Variants in TNS1 observed in about 807,000 individuals in gnomAD.
TNS1 encodes the protein tensin 1.
A neutral mutation model predicts 168.6 loss-of-function variants in TNS1; 62 were observed. That is an observed-to-expected ratio of 0.37 (90% confidence interval 0.30 to 0.45). The LOEUF (loss-of-function observed/expected upper bound fraction) is 0.45, where lower values mean the gene tolerates loss of function less well. Ranked by LOEUF, TNS1 falls within the 20% of genes least tolerant of loss-of-function variation. The pLI is 1.00. For synonymous variants in TNS1, 934 were observed against 933.2 expected, an observed-to-expected ratio of 1.00 and a Z score of -0.02; for missense variants, 2,240 against 2,339.4, an observed-to-expected ratio of 0.96 and a Z score of 0.88.
At chr2:217,983,717 G>A (rs970446235) in intron 2 of TNS1, among the ~76,000 whole-genome samples, 36 of 152,126 alleles carry the variant, frequency 2.4e-4, no homozygotes, top group Admixed American at 9.8e-4. Context: ...TCGCATGCCC[G>A]GTCCGGCTTC....
intron 18 of TNS1, among the ~76,000 whole-genome samples, chr2:217,870,080 AC>A (rs34466865): frequency 0.055 from 8,387 of 152,326 alleles, 253 homozygotes; most frequent in African/African-American, 0.063. Context: ...TTGTTATGCC[AC>A]TTTTTAATCT....
In TNS1 at chr2:217,818,295, C is replaced by T. The variant is rs1310107860; in HGVS notation, c.4037G>A (p.Gly1346Glu). 6 of 1,613,326 alleles carry T rather than the reference C, an allele frequency of 3.7e-6. No homozygotes were observed. The African/African-American group carries it at 4.0e-5, about 11-fold the overall frequency. Residue 1346 changes from glycine (G) to glutamate (E), a missense_variant, in exon 24 of 33, where the codon GGG becomes GAG. Gly to Glu is a moderately conservative substitution (Grantham distance 98). Coordinates refer to ENST00000682258, the MANE Select transcript of TNS1 (RefSeq NM_001387777.1). The part of the protein sequence containing the change: ...SPQSSAATTP[G>E]SPSLCRHPAG... ...TGGGTGCCGACACAGGCTGGGGCTC[C>T]CCGGGGTGGTCGCTGCACTGCTCTG...
chr2:217,893,041 T>G (rs1951896289), intron 10 of TNS1, 29 bp from the exon 11 acceptor site: 2 of 1,613,754 alleles, frequency 1.2e-6, no homozygotes, highest in Non-Finnish European at 1.7e-6. Context: ...CAAAATCATT[T>G]ATTTCTAAGG....
At chr2:217,916,231 C>G (rs1371990752) in intron 4 of TNS1, among the ~76,000 whole-genome samples, 1 of 152,078 alleles carries the variant, frequency 6.6e-6, no homozygotes, top group Non-Finnish European at 1.5e-5. Flanking sequence ...CCCATGGTGT[C>G]CCCCTGCAAT....
chr2:217,907,803 C>A (rs530095338), intron 4 of TNS1, among the ~76,000 whole-genome samples: 1 of 152,316 alleles, frequency 6.6e-6, no homozygotes, highest in South Asian at 2.1e-4. Context: ...GCCTCACACA[C>A]CTCCATTTCC....
chr2:217,869,555 G>T (rs1404043027), intron 18 of TNS1, among the ~76,000 whole-genome samples: 1 of 152,134 alleles, frequency 6.6e-6, no homozygotes, highest in Non-Finnish European at 1.5e-5. Flanking sequence ...CCCCACCTGC[G>T]TGGGACTCTG....
intron 18 of TNS1, among the ~76,000 whole-genome samples, chr2:217,861,303 T>C (rs749387): frequency 0.17 from 25,945 of 152,108 alleles, 2,306 homozygotes; most frequent in East Asian, 0.2. Flanking sequence ...GAATGAGACG[T>C]GCCTGCCCTC....
intron 18 of TNS1, among the ~76,000 whole-genome samples, chr2:217,869,998 A>G (rs1949635078): frequency 6.6e-6 from 1 of 152,098 alleles, no homozygotes; most frequent in African/African-American, 2.4e-5. Context: ...CAGTGACCAG[A>G]GCAATTGTGT....
intron 4 of TNS1, among the ~76,000 whole-genome samples, chr2:217,912,957 C>T (rs3791924): frequency 0.02 from 3,061 of 152,264 alleles, 64 homozygotes; most frequent in Admixed American, 0.06. Flanking sequence ...AATGAGGAGA[C>T]GGAGTTTCCA....
Position 217,896,855 on chromosome 2 carries a change from T to A in TNS1, c.543+943A>T, listed in dbSNP as rs183946516. 2.6e-3 allele frequency among the ~76,000 whole-genome samples: 402 copies of A among 152,330 alleles called. 5 individuals carry two copies. Among genetic ancestry groups the A allele is most frequent in the African/African-American group, 9.4e-3 (389 of 41,562 alleles). On this transcript the variant is annotated intron_variant, in intron 8 of 32. Coordinates refer to ENST00000682258, the MANE Select transcript of TNS1 (RefSeq NM_001387777.1). ...TGCATATACTTCCGTAGACTTTAAA[T>A]CATCTCTAGGTTACTTGTAATACCT...
chr2:217,938,612 T>C (rs1956753759), intron 3 of TNS1, among the ~76,000 whole-genome samples: 1 of 152,244 alleles, frequency 6.6e-6, no homozygotes, highest in African/African-American at 2.4e-5. Context: ...GCCATATCTA[T>C]GGGTGTAGCC....
rs1433364341 is a variant in TNS1, at chr2:217,817,839, A to G, written c.4493T>C (p.Val1498Ala). ...PALPEKRRMSVGDRAGSLPNY... is the reference protein window; with the variant it reads ...PALPEKRRMSAGDRAGSLPNY... The stretch of plus-strand genomic sequence containing the variant: ...GGGGAGGCTGCCTGCCCGGTCTCCC[A>G]CTGACATCCTTCGCTTCTCTGGCAA... The change falls in exon 24 of 33, where the codon GTG (valine) becomes GCG (alanine). Residue 1498 changes from valine (V) to alanine (A), a missense_variant. Val to Ala is a moderately conservative substitution (Grantham distance 64). Around this residue, in one of 2 missense-constraint regions of TNS1, gnomAD observed 2,131 missense variants for 2,171.2 expected, o/e 0.98. Coordinates refer to ENST00000682258, the MANE Select transcript of TNS1 (RefSeq NM_001387777.1). 1.2e-6 allele frequency: 2 copies of G among 1,614,110 alleles called. No homozygotes were observed. Among genetic ancestry groups the G allele is most frequent in the Non-Finnish European group, 8.5e-7 (1 of 1,180,046 alleles).
chr2:217,813,674 G>T lies in TNS1; in HGVS notation c.4861+11C>A, dbSNP rs1346172384. The T allele has an allele frequency of 1.2e-6, 2 of 1,602,584 alleles. No homozygotes were observed. Among genetic ancestry groups the T allele is most frequent in the African/African-American group, 2.7e-5 (2 of 74,528 alleles). ...CCTGGTCCTGAGCCCCATTCTGGGAGATGAGGTTACCTTTTTTATTCTGCT... is the reference window on the plus strand; with the variant it reads ...CCTGGTCCTGAGCCCCATTCTGGGATATGAGGTTACCTTTTTTATTCTGCT... On this transcript the variant is annotated intron_variant, in intron 26 of 32. Transcript: ENST00000682258. The surrounding 1 kb of genome is among the most constrained non-coding windows in gnomAD (Gnocchi z 4.0).
At position 217,813,563 on chromosome 2, in the gene TNS1, C is replaced by T; in HGVS notation, c.4861+122G>A. 7.0e-7 allele frequency: 1 copy of T among 1,422,522 alleles called. No homozygotes were observed. The highest frequency in any genetic ancestry group is 2.2e-4 in the Middle Eastern group (1 of 4,556). The allele number at this position is 1,422,522 out of a possible 1,614,324, so 88.1% of individuals were successfully genotyped here. On this transcript the variant is annotated intron_variant, in intron 26 of 32. Coordinates refer to ENST00000682258, the MANE Select transcript of TNS1 (RefSeq NM_001387777.1). The surrounding 1 kb of genome is among the most constrained non-coding windows in gnomAD (Gnocchi z 4.0). ...ACCATCACCAAGCCCAAGACACCCTCTTCCGAAGAGCCTGATGGGAGTTAA... is the reference window on the plus strand; with the variant it reads ...ACCATCACCAAGCCCAAGACACCCTTTTCCGAAGAGCCTGATGGGAGTTAA...
chr2:218,005,367 A>C (rs992650921), upstream of TNS1, among the ~76,000 whole-genome samples: 4 of 152,212 alleles, frequency 2.6e-5, no homozygotes, highest in Admixed American at 6.5e-5. Context: ...GAATGGAAGT[A>C]GGGGACCCTA....
At chr2:217,806,279 C>G (rs1299819373) in intron 32 of TNS1, among the ~76,000 whole-genome samples, 1 of 152,258 alleles carries the variant, frequency 6.6e-6, no homozygotes, top group Non-Finnish European at 1.5e-5. Context: ...CCTCAGCCCG[C>G]AAGGGCAGGA....
At chr2:217,988,642 C>A (rs913463316) in intron 2 of TNS1, among the ~76,000 whole-genome samples, 2 of 152,204 alleles carry the variant, frequency 1.3e-5, no homozygotes, top group African/African-American at 4.8e-5. Context: ...TGTGACTTCT[C>A]CCCTGGCTCC....
chr2:217,954,457 G>A (rs759393236), intron 3 of TNS1, among the ~76,000 whole-genome samples: 4 of 152,160 alleles, frequency 2.6e-5, no homozygotes, highest in Non-Finnish European at 2.9e-5. Context: ...AGGGTGCTCC[G>A]GGTACTCTAT....
At chr2:217,956,623 C>T (rs369193735) in intron 3 of TNS1, among the ~76,000 whole-genome samples, 2 of 152,092 alleles carry the variant, frequency 1.3e-5, no homozygotes, top group Non-Finnish European at 2.9e-5. Flanking sequence ...GGCTGCAGTT[C>T]TAAAGTCTGT....
Sources: gnomAD v4.1 joint callset for allele counts (sites outside exome capture counted in the v4.1 genomes callset) on GRCh38, gnomAD v4.1.1 for gene constraint, gnomAD v4.1.1 regional missense constraint, Gnocchi (gnomAD v3.1) non-coding constraint, MANE v1.5 for transcripts, NCBI Gene and HGNC (gene_info 2026-07-23, HGNC 2026-07-21) for gene names.